The following COL23A1 variants were observed in gnomAD, a reference collection of about 807,000 sequenced individuals.
COL23A1 encodes collagen type XXIII alpha 1 chain.
COL23A1 carries 97 observed loss-of-function variants against 99.3 expected under a neutral mutation model. The ratio of observed to expected loss-of-function variants is 0.98; its 90% CI spans 0.83 to 1.16. COL23A1 has a LOEUF of 1.16. Ranked by LOEUF, COL23A1 falls within the 50% of genes most tolerant of loss-of-function variation. The probability of loss-of-function intolerance (pLI) is 0.00; values close to 1 mark genes in which losing one functional copy is unlikely to be tolerated. For synonymous variants in COL23A1, 320 were observed against 308.2 expected, an observed-to-expected ratio of 1.04 and a Z score of -0.40; for missense variants, 762 against 757.4, an observed-to-expected ratio of 1.01 and a Z score of -0.07.
At chr5:178,256,228 G>T in intron 15 of COL23A1, 125 bp downstream of exon 15, 1 of 612,918 alleles carries the variant, frequency 1.6e-6, no homozygotes, top group Non-Finnish European at 2.6e-6. Context: ...AGTTTAAAAA[G>T]TAAAATACTC....
At chr5:178,464,225 C>T (rs929706428) in intron 2 of COL23A1, among the ~76,000 whole-genome samples, 3 of 152,206 alleles carry the variant, frequency 2.0e-5, no homozygotes, top group Non-Finnish European at 4.4e-5. Context: ...CGATTCGGCA[C>T]TCCCACAGCC....
intron 2 of COL23A1, among the ~76,000 whole-genome samples, chr5:178,401,315 G>A (rs1285077543): frequency 6.6e-6 from 1 of 152,214 alleles, no homozygotes; most frequent in Non-Finnish European, 1.5e-5. Context: ...ATGAACACTG[G>A]GGTACGAGCA....
chr5:178,464,808 C>T (rs959765693), intron 2 of COL23A1, among the ~76,000 whole-genome samples: 2 of 151,992 alleles, frequency 1.3e-5, no homozygotes, highest in African/African-American at 4.8e-5. Flanking sequence ...GAGGCCTCAG[C>T]CTTATAACAA....
intron 2 of COL23A1, among the ~76,000 whole-genome samples, chr5:178,373,381 C>G (rs746170640): frequency 6.6e-6 from 1 of 152,316 alleles, no homozygotes; most frequent in Admixed American, 6.5e-5. Context: ...CAGGCGCGAA[C>G]CTCCAAGGTG....
chr5:178,253,339 G>A (rs1486689038), intron 16 of COL23A1, among the ~76,000 whole-genome samples: 1 of 146,118 alleles, frequency 6.8e-6, no homozygotes, highest in Non-Finnish European at 1.5e-5. Context: ...AGATGTCCCT[G>A]GCCTCCATCT....
chr5:178,445,534 T>C (rs1448429513), intron 2 of COL23A1, among the ~76,000 whole-genome samples: 5 of 152,204 alleles, frequency 3.3e-5, no homozygotes, highest in Non-Finnish European at 7.3e-5. Flanking sequence ...GAAATCGTAC[T>C]AAATTTATAT....
In COL23A1 at chr5:178,262,234, C is replaced by T. The variant is rs370417258; in HGVS notation, c.658G>A (p.Gly220Arg). 20 of 1,583,684 alleles carry T rather than the reference C, an allele frequency of 1.3e-5. No homozygotes were observed. The highest frequency in any genetic ancestry group is 1.7e-4 in the Middle Eastern group (1 of 6,000). Reference sequence around the variant, plus strand: ...ATACTGACCATCTCGCCGTCTTGTCCGGGCTCTCCTTTGGGGCCCTGCGGA... The same window carrying T: ...ATACTGACCATCTCGCCGTCTTGTCTGGGCTCTCCTTTGGGGCCCTGCGGA... ...QGPAGPKGEP[G>R]QDGEMGPKGP... Residue 220 changes from glycine (G) to arginine (R), a missense_variant, in exon 10 of 29, where the codon GGA becomes AGA. Gly to Arg is a moderately radical substitution (Grantham distance 125). Coordinates refer to ENST00000390654, the MANE Select transcript of COL23A1 (RefSeq NM_173465.4).
At chr5:178,433,591 C>G (rs2127823280) in intron 2 of COL23A1, among the ~76,000 whole-genome samples, 1 of 152,302 alleles carries the variant, frequency 6.6e-6, no homozygotes, top group Non-Finnish European at 1.5e-5. Context: ...AAGTTCCAGT[C>G]CTCTGACCCG....
chr5:178,337,220 C>T (rs1240584141), intron 2 of COL23A1, among the ~76,000 whole-genome samples: 2 of 152,240 alleles, frequency 1.3e-5, no homozygotes, highest in South Asian at 2.1e-4. Context: ...CCACAGCCTG[C>T]GTGCACTTGC....
chr5:178,513,410 C>G lies in COL23A1; in HGVS notation c.361+47272G>C, dbSNP rs538266062. On this transcript the variant is annotated intron_variant, in intron 2 of 28. Transcript: ENST00000390654. The stretch of plus-strand genomic sequence containing the variant: ...ACAGCTGGAAAGCAGCAGAGAGGAT[C>G]TGAACCCAGCCCCACTTTTTTAGTG... Among the ~76,000 whole-genome samples, 14 of 152,352 alleles carry G rather than the reference C, an allele frequency of 9.2e-5. 1 individual carries two copies. The South Asian group carries it at 2.9e-3, about 32-fold the overall frequency.
chr5:178,253,921 T>G (rs1765168795), intron 16 of COL23A1, among the ~76,000 whole-genome samples: 1 of 151,190 alleles, frequency 6.6e-6, no homozygotes, highest in East Asian at 2.0e-4. Flanking sequence ...CCCAGCACTT[T>G]GGGAGGCTGA....
chr5:178,542,681 T>G (rs56975244), intron 2 of COL23A1, among the ~76,000 whole-genome samples: 2,179 of 128,742 alleles, frequency 0.017, 51 homozygotes, highest in African/African-American at 0.056. Context: ...GACAGAAAAA[T>G]GGGAAGGTGG....
In COL23A1 at chr5:178,242,131, G is replaced by A. The variant is rs1321742734; in HGVS notation, c.1495-3C>T. The A allele has an allele frequency of 1.3e-6, 2 of 1,551,888 alleles. No homozygotes were observed. Among genetic ancestry groups the A allele is most frequent in the Non-Finnish European group, 8.7e-7 (1 of 1,147,172 alleles). ...CGGCCGGGGACCCCTCGTTCTCCCT[G>A]TGCAGGAGGGGAGATGGTGGTATTG... On this transcript the variant is annotated splice_polypyrimidine_tract_variant and splice_region_variant and intron_variant, in intron 26 of 28. Transcript: ENST00000390654.
chr5:178,472,457 G>C (rs1756805336), intron 2 of COL23A1, among the ~76,000 whole-genome samples: 1 of 152,160 alleles, frequency 6.6e-6, no homozygotes, highest in South Asian at 2.1e-4. Flanking sequence ...CGGAGTTCTT[G>C]GATGGGGCCC....
At chr5:178,269,228 CTTCTTTAAT>C (rs1245796825) in intron 6 of COL23A1, among the ~76,000 whole-genome samples, 1 of 151,992 alleles carries the variant, frequency 6.6e-6, no homozygotes, top group Non-Finnish European at 1.5e-5. Flanking sequence ...AAAGCATTCT[CTTCTTTAAT>C]GGTAGCAGCT....
chr5:178,407,806 G>GA (rs149045109), intron 2 of COL23A1, among the ~76,000 whole-genome samples: 20,876 of 151,496 alleles, frequency 0.14, 1,600 homozygotes, highest in Non-Finnish European at 0.18. Context: ...ATAGACTAGG[G>GA]AAAAAAAAGG....
intron 2 of COL23A1, among the ~76,000 whole-genome samples, chr5:178,355,790 A>T (rs963594565): frequency 4.6e-5 from 7 of 151,782 alleles, no homozygotes; most frequent in Non-Finnish European, 1.0e-4. Flanking sequence ...TTTTTTCTGA[A>T]TTTTTTTTGA....
chr5:178,256,032 C>T (rs1249868873), intron 15 of COL23A1: 11 of 255,234 alleles, frequency 4.3e-5, no homozygotes, highest in Middle Eastern at 1.3e-3. Flanking sequence ...ATCAGGCATA[C>T]GACAAACAGA....
At chr5:178,303,727 T>G (rs887134216) in intron 3 of COL23A1, among the ~76,000 whole-genome samples, 1 of 152,212 alleles carries the variant, frequency 6.6e-6, no homozygotes, top group Non-Finnish European at 1.5e-5. Flanking sequence ...TCTTTCTCTC[T>G]CCCTTCTCTC....
Sources: gnomAD v4.1 joint callset for allele counts (sites outside exome capture counted in the v4.1 genomes callset) on GRCh38, gnomAD v4.1.1 for gene constraint, MANE v1.5 for transcripts, NCBI Gene and HGNC (gene_info 2026-07-23, HGNC 2026-07-21) for gene names.